Variants in NPAS3 observed in about 807,000 individuals in gnomAD.
NPAS3 encodes the protein neuronal PAS domain protein 3.
In NPAS3, 14 loss-of-function variants were observed where a neutral mutation model predicts 73.1. That is an observed-to-expected ratio of 0.19 (90% CI 0.13 to 0.30). NPAS3 has a LOEUF of 0.30. Among genes scored for constraint, NPAS3 ranks in the 10% least tolerant of loss-of-function variants. The pLI is 1.00. For synonymous variants in NPAS3, 620 were observed against 541.5 expected, an observed-to-expected ratio of 1.14 and a Z score of -2.01; for missense variants, 1,096 against 1,250.0, an observed-to-expected ratio of 0.88 and a Z score of 1.86.
chr14:33,697,682 G>A (rs1595459997), intron 6 of NPAS3, among the ~76,000 whole-genome samples: 1 of 152,136 alleles, frequency 6.6e-6, no homozygotes, highest in African/African-American at 2.4e-5. Flanking sequence ...CCTCGAAGTT[G>A]TAACTTATCT....
At chr14:33,178,975 G>A (rs924545665) in intron 2 of NPAS3, among the ~76,000 whole-genome samples, 1 of 152,096 alleles carries the variant, frequency 6.6e-6, no homozygotes, top group East Asian at 1.9e-4. Context: ...TTTTCGTGTT[G>A]TAGAAAATCC....
At chr14:33,439,177 G>A (rs748533438) in intron 4 of NPAS3, among the ~76,000 whole-genome samples, 1 of 152,044 alleles carries the variant, frequency 6.6e-6, no homozygotes, top group Non-Finnish European at 1.5e-5. Flanking sequence ...AAGTAAATAG[G>A]ACATTTATAG....
At chr14:33,774,940 A>G (rs1346887616) in intron 8 of NPAS3, among the ~76,000 whole-genome samples, 1 of 152,210 alleles carries the variant, frequency 6.6e-6, no homozygotes, top group Non-Finnish European at 1.5e-5. Context: ...AAGCATGGAA[A>G]GAACAAATGA....
At chr14:33,517,285 C>T (rs1431523815) in intron 4 of NPAS3, among the ~76,000 whole-genome samples, 1 of 152,032 alleles carries the variant, frequency 6.6e-6, no homozygotes, top group African/African-American at 2.4e-5. Flanking sequence ...CAAACAGGCT[C>T]AGTTCAATTG....
At chr14:33,196,570 C>A (rs2046362648) in intron 2 of NPAS3, among the ~76,000 whole-genome samples, 1 of 152,154 alleles carries the variant, frequency 6.6e-6, no homozygotes, top group Admixed American at 6.5e-5. Flanking sequence ...CGGGATAAGA[C>A]CCTCCTCACC....
At chr14:33,735,502 TC>T (rs932155787) in intron 7 of NPAS3, among the ~76,000 whole-genome samples, 170 bp downstream of exon 7, 1 of 152,128 alleles carries the variant, frequency 6.6e-6, no homozygotes, top group Non-Finnish European at 1.5e-5. Context: ...TTTACACCTC[TC>T]CTTCTCACTT....
intron 7 of NPAS3, among the ~76,000 whole-genome samples, chr14:33,755,609 A>T (rs2062091256): frequency 1.3e-5 from 2 of 151,800 alleles, no homozygotes; most frequent in East Asian, 3.9e-4. Flanking sequence ...GCCTTTCAGG[A>T]CTCCTTGTCA....
At chr14:33,105,954 A>G (rs2042711618) in intron 2 of NPAS3, among the ~76,000 whole-genome samples, 1 of 152,164 alleles carries the variant, frequency 6.6e-6, no homozygotes, top group South Asian at 2.1e-4. Context: ...AAGCTTGGAT[A>G]TCAAAGATAT....
intron 7 of NPAS3, among the ~76,000 whole-genome samples, chr14:33,736,296 G>A (rs2061522416): frequency 6.6e-6 from 1 of 152,178 alleles, no homozygotes; most frequent in South Asian, 2.1e-4. Context: ...CTGTATAGAA[G>A]TCAGAGTCAG....
At chr14:33,759,629 G>A (rs913762651) in intron 7 of NPAS3, among the ~76,000 whole-genome samples, 3 of 152,152 alleles carry the variant, frequency 2.0e-5, no homozygotes, top group African/African-American at 7.2e-5. Flanking sequence ...TGGAAATAAT[G>A]TTTTAAGAAA....
At chr14:33,199,849 CTT>C (rs986131818) in intron 2 of NPAS3, among the ~76,000 whole-genome samples, 1 of 151,850 alleles carries the variant, frequency 6.6e-6, no homozygotes, top group Non-Finnish European at 1.5e-5. Context: ...TTAATCATGA[CTT>C]TTAAGGACAT....
intron 2 of NPAS3, among the ~76,000 whole-genome samples, chr14:33,087,160 A>T (rs1441978002): frequency 0.01 from 1,017 of 99,220 alleles, 9 homozygotes; most frequent in Non-Finnish European, 0.012. Flanking sequence ...ATACAATATA[A>T]TATTGTATAA....
intron 3 of NPAS3, among the ~76,000 whole-genome samples, chr14:33,348,270 C>T (rs1162377895): frequency 1.3e-5 from 2 of 152,172 alleles, no homozygotes; most frequent in East Asian, 3.9e-4. Context: ...TCCAGCCGCT[C>T]TCTCCCTTCC....
chr14:33,325,729 CT>C (rs1194248189), intron 3 of NPAS3, among the ~76,000 whole-genome samples: 12 of 145,018 alleles, frequency 8.3e-5, no homozygotes, highest in Middle Eastern at 3.6e-3. Context: ...TTCATTCTAT[CT>C]GGGTTTTTTT....
intron 5 of NPAS3, among the ~76,000 whole-genome samples, chr14:33,591,912 A>G (rs2057081549): frequency 6.6e-6 from 1 of 152,148 alleles, no homozygotes; most frequent in Admixed American, 6.5e-5. Context: ...AAAAGAAACC[A>G]TGTGCATCTT....
At chr14:33,217,258 G>T (rs533555723) in intron 3 of NPAS3, among the ~76,000 whole-genome samples, 3 of 152,042 alleles carry the variant, frequency 2.0e-5, no homozygotes, top group Non-Finnish European at 4.4e-5. Context: ...CTGACACGTG[G>T]GATTATTAAT....
At chr14:33,380,828 C>A (rs2046514938) in intron 4 of NPAS3, among the ~76,000 whole-genome samples, 1 of 152,088 alleles carries the variant, frequency 6.6e-6, no homozygotes, top group Non-Finnish European at 1.5e-5. Context: ...CAGCTCTTTC[C>A]CTCAATTCTA....
chr14:33,449,284 T>C (rs2049674673), intron 4 of NPAS3, among the ~76,000 whole-genome samples: 2 of 152,186 alleles, frequency 1.3e-5, no homozygotes, highest in Admixed American at 6.5e-5. Flanking sequence ...ATAACCTCTA[T>C]CTTAGTACAA....
At chr14:33,009,808 T>G (rs577213033) in intron 1 of NPAS3, among the ~76,000 whole-genome samples, 1 of 152,144 alleles carries the variant, frequency 6.6e-6, no homozygotes, top group South Asian at 2.1e-4. Context: ...ATGTAAACAC[T>G]TTCTGTCTAA....
Sources: gnomAD v4.1 joint callset for allele counts (sites outside exome capture counted in the v4.1 genomes callset) on GRCh38, gnomAD v4.1.1 for gene constraint, MANE v1.5 for transcripts, NCBI Gene and HGNC (gene_info 2026-07-23, HGNC 2026-07-21) for gene names.